ARPC1A: variants seen among roughly 807,000 people sequenced by gnomAD.
The protein encoded by ARPC1A is actin-related protein 2/3 complex subunit 1A.
Under a neutral mutation model 46.9 loss-of-function variants are expected in ARPC1A, and 8 were observed. That is an observed-to-expected ratio of 0.17 (90% confidence interval 0.10 to 0.31). ARPC1A has a LOEUF of 0.31. Ranked by LOEUF, ARPC1A falls within the 10% of genes least tolerant of loss-of-function variation. ARPC1A has a pLI of 1.00. For missense variants in ARPC1A, 286 were observed against 483.6 expected (o/e 0.59, Z 3.83); for synonymous variants, 152 against 169.0 (o/e 0.90, Z 0.78).
intron 6 of ARPC1A, among the ~76,000 whole-genome samples, chr7:99,355,319 G>A (rs1441832981): frequency 6.6e-6 from 1 of 151,864 alleles, no homozygotes; most frequent in Non-Finnish European, 1.5e-5. Context: ...ACCGTGACAG[G>A]CACAGACACA....
chr7:99,350,888 CCTT>C (rs1056396923), intron 5 of ARPC1A, among the ~76,000 whole-genome samples: 5 of 151,692 alleles, frequency 3.3e-5, no homozygotes, highest in Admixed American at 6.6e-5. Flanking sequence ...CTCAAAGAAT[CCTT>C]CTGCCTTGGC....
intron 3 of ARPC1A, among the ~76,000 whole-genome samples, chr7:99,342,239 TA>T (rs1462517236): frequency 6.6e-6 from 1 of 152,178 alleles, no homozygotes; most frequent in African/African-American, 2.4e-5. Flanking sequence ...TTTGCATCTC[TA>T]AAAGATAATG....
intron 6 of ARPC1A, 93 bp from the exon 7 acceptor site, chr7:99,358,247 C>T (rs1327912470): frequency 8.8e-6 from 11 of 1,253,944 alleles, no homozygotes; most frequent in Non-Finnish European, 1.3e-5. Flanking sequence ...ACTGCAGAAG[C>T]CCCTGTGAGA....
At chr7:99,337,883 T>C (rs1395708611) in intron 2 of ARPC1A, among the ~76,000 whole-genome samples, 1 of 152,200 alleles carries the variant, frequency 6.6e-6, no homozygotes, top group Non-Finnish European at 1.5e-5. Flanking sequence ...AAAGTTATTT[T>C]AGCTAAGTAC....
At chr7:99,343,107 G>T (rs1462546919) in intron 3 of ARPC1A, among the ~76,000 whole-genome samples, 3 of 149,074 alleles carry the variant, frequency 2.0e-5, no homozygotes, top group East Asian at 3.9e-4. Flanking sequence ...TTTAGAGAGA[G>T]ATCTGTAATA....
At chr7:99,329,113 A>C (rs1793101196) in intron 1 of ARPC1A, among the ~76,000 whole-genome samples, 1 of 152,104 alleles carries the variant, frequency 6.6e-6, no homozygotes, top group African/African-American at 2.4e-5. Flanking sequence ...ATCCTGGCTA[A>C]CACGGTGAAA....
chr7:99,336,011 G>A (rs1284873960), intron 2 of ARPC1A, among the ~76,000 whole-genome samples: 1 of 151,560 alleles, frequency 6.6e-6, no homozygotes, highest in Non-Finnish European at 1.5e-5. Context: ...TAACCTAGCA[G>A]GACAGTGAAT....
intron 2 of ARPC1A, chr7:99,335,362 CT>C: frequency 7.1e-6 from 3 of 425,166 alleles, no homozygotes; most frequent in Non-Finnish European, 9.2e-6. Context: ...CCTTGGCCCC[CT>C]TTTTGAAAAT....
Position 99,359,832 on chromosome 7 carries a change from C to T in ARPC1A, c.983+94C>T. 1.4e-6 allele frequency: 2 copies of T among 1,380,108 alleles called. 1 individual carries two copies. Among genetic ancestry groups the T allele is most frequent in the South Asian group, 2.4e-5 (2 of 82,026 alleles). 85.5% of individuals were successfully genotyped at this position (1,380,108 alleles called of 1,614,324 possible). Reference sequence around the variant, plus strand: ...GGGTTCCTACAAAAGCTCTATGCCCCTCAGGCCCAGACATTCTTTCAGGGA... The same window carrying T: ...GGGTTCCTACAAAAGCTCTATGCCCTTCAGGCCCAGACATTCTTTCAGGGA... On this transcript the variant is annotated intron_variant, in intron 8 of 9. Coordinates refer to ENST00000262942, the MANE Select transcript of ARPC1A (RefSeq NM_006409.4).
Position 99,353,925 on chromosome 7 carries a change from A to G in ARPC1A, c.517A>G (p.Ile173Val), listed in dbSNP as rs571833149. The G allele has an allele frequency of 6.2e-7, 1 of 1,613,638 alleles. No homozygotes were observed. The highest frequency in any genetic ancestry group is 8.5e-7 in the Non-Finnish European group (1 of 1,179,812). ...DFKCRVFSAY[I>V]KEVDEKPAST... ...TTTAAACAGAGTGTTTTCTGCCTACATTAAAGAAGTGGATGAAAAGCCAGC... is the reference window on the plus strand; with the variant it reads ...TTTAAACAGAGTGTTTTCTGCCTACGTTAAAGAAGTGGATGAAAAGCCAGC... Residue 173 changes from isoleucine (I) to valine (V), a missense_variant, in exon 6 of 10, where the codon ATT (isoleucine) becomes GTT (valine). Physicochemically the swap from Ile to Val is conservative, Grantham distance 29 (BLOSUM62 3). Transcript: ENST00000262942.
intron 7 of ARPC1A, among the ~76,000 whole-genome samples, chr7:99,358,949 A>C (rs1314372857): frequency 6.6e-6 from 1 of 151,952 alleles, no homozygotes; most frequent in Admixed American, 6.5e-5. Context: ...CTCCTGCCTC[A>C]GCGTCCTGAG....
intron 9 of ARPC1A, among the ~76,000 whole-genome samples, chr7:99,364,708 A>G (rs147517452): frequency 6.6e-6 from 1 of 152,302 alleles, no homozygotes; most frequent in Non-Finnish European, 1.5e-5. Context: ...CCTATTGGAC[A>G]CCAGCCCAGG....
chr7:99,359,360 C>T (rs542072228), intron 7 of ARPC1A, among the ~76,000 whole-genome samples, 185 bp from the exon 8 acceptor site: 1 of 151,284 alleles, frequency 6.6e-6, no homozygotes, highest in Non-Finnish European at 1.5e-5. Context: ...TACTTGAACC[C>T]GGGAAGCAGA....
chr7:99,353,815 C>T (rs962371935), intron 5 of ARPC1A, 94 bp from the exon 6 acceptor site: 24 of 1,242,112 alleles, frequency 1.9e-5, no homozygotes, highest in Admixed American at 4.2e-5. Flanking sequence ...AACCTCTTTG[C>T]ATTCTGAGAT....
chr7:99,337,587 A>G (rs1019530347), intron 2 of ARPC1A, among the ~76,000 whole-genome samples: 4 of 152,182 alleles, frequency 2.6e-5, no homozygotes, highest in African/African-American at 9.7e-5. Context: ...GAGTTTTTAA[A>G]AAGTCCGTTT....
chr7:99,338,218 C>T lies in ARPC1A; in HGVS notation c.102C>T (p.Ile34=). The change falls in exon 3 of 10, where the codon ATC becomes ATT. Residue 34 remains isoleucine, a synonymous_variant. Coordinates refer to ENST00000262942, the MANE Select transcript of ARPC1A (RefSeq NM_006409.4). ...GTCCCAATAATCACGAAGTGCACAT[C>T]TATAAGAAGAACGGGAGCCAGTGGG... ...ALSPNNHEVH[I]YKKNGSQWVK... 6 of 1,613,380 alleles carry T rather than the reference C, an allele frequency of 3.7e-6. No individual in the cohort carries two copies. Among genetic ancestry groups the T allele is most frequent in the Non-Finnish European group, 5.1e-6 (6 of 1,179,634 alleles).
intron 2 of ARPC1A, chr7:99,335,623 CAG>C (rs1793234762): frequency 3.3e-6 from 1 of 300,396 alleles, no homozygotes; most frequent in African/African-American, 2.3e-5. Context: ...GAGATTTTGA[CAG>C]AGATTACTTT....
chr7:99,327,414 G>A (rs901301473), intron 1 of ARPC1A, among the ~76,000 whole-genome samples: 11 of 151,960 alleles, frequency 7.2e-5, no homozygotes, highest in East Asian at 1.9e-4. Flanking sequence ...GGGTTCAAGC[G>A]ATTCTCCTGC....
chr7:99,359,475 G>GTGAACACT, intron 7 of ARPC1A, 70 bp from the exon 8 acceptor site: 4 of 1,482,214 alleles, frequency 2.7e-6, no homozygotes, highest in Non-Finnish European at 3.7e-6. Flanking sequence ...GCCTGTCGTG[G>GTGAACACT]TGAACACTCT....
Sources: allele counts gnomAD v4.1 joint callset (sites outside exome capture counted in the v4.1 genomes callset), GRCh38; gene constraint gnomAD v4.1.1; transcripts MANE v1.5; gene names NCBI Gene and HGNC (gene_info 2026-07-23, HGNC 2026-07-21).